Variants in SHE observed in about 807,000 individuals in gnomAD.
SHE encodes Src homology 2 domain containing E.
A neutral mutation model predicts 49.8 loss-of-function variants in SHE; 11 were observed. That is an observed-to-expected ratio of 0.22 (90% CI 0.14 to 0.37). SHE has a LOEUF of 0.37. Among genes scored for constraint, SHE ranks in the 10% least tolerant of loss-of-function variants. The pLI is 1.00. For missense variants in SHE, 624 were observed against 655.5 expected (o/e 0.95, Z 0.52); for synonymous variants, 310 against 278.1 (o/e 1.11, Z -1.14).
chr1:154,485,569 T>TA (rs1692149308), intron 5 of SHE: 1 of 158,538 alleles, frequency 6.3e-6, no homozygotes, highest in Non-Finnish European at 1.4e-5. Flanking sequence ...CTTGATTTAT[T>TA]AAAGTCCCCA....
At chr1:154,474,501 C>CTTTA (rs913995639), downstream of SHE, among the ~76,000 whole-genome samples, 20 of 152,062 alleles carry the variant, frequency 1.3e-4, no homozygotes, top group East Asian at 3.9e-4. Context: ...TCAAATTGTG[C>CTTTA]TTTATTTATT....
chr1:154,489,063 G>T lies in SHE; in HGVS notation c.1012C>A (p.Arg338=). 1.3e-6 allele frequency: 2 copies of T among 1,580,880 alleles called. No individual in the cohort carries two copies. Among genetic ancestry groups the T allele is most frequent in the Non-Finnish European group, 1.7e-6 (2 of 1,161,048 alleles). Residue 338 remains arginine, a synonymous_variant, in exon 3 of 6, where the codon CGG becomes AGG. Coordinates refer to ENST00000304760, the MANE Select transcript of SHE (RefSeq NM_001010846.3). ...PWEWKKEQIV[R]ALSVQFEGAE... ...CTGGCGCCCTCACCTGACAGAGCCC[G>T]CACGATCTGCTCCTTCTTCCACTCC...
In SHE at chr1:154,486,161, T is replaced by C. The variant is rs1457734972; in HGVS notation, c.1182-99A>G. On this transcript the variant is annotated intron_variant, in intron 4 of 5. Coordinates refer to ENST00000304760, the MANE Select transcript of SHE (RefSeq NM_001010846.3). ...TAAAGCGTTGTTTGAAATGAACTTC[T>C]GGCAGAGACGCAACAGCCTGAACTA... is the stretch of plus-strand genomic sequence containing the variant. 5 of 1,507,038 alleles carry C rather than the reference T, an allele frequency of 3.3e-6. No individual in the cohort carries two copies. In the African/African-American group the frequency reaches 5.5e-5, roughly 17 times the overall value. 93.4% of individuals were successfully genotyped at this position (1,507,038 alleles called of 1,614,324 possible).
At position 154,483,637 on chromosome 1, in the gene SHE, G is replaced by A. The variant is rs973827289; in HGVS notation, c.*512C>T. On this transcript the variant is annotated 3_prime_UTR_variant, in exon 6 of 6. Coordinates refer to ENST00000304760, the MANE Select transcript of SHE (RefSeq NM_001010846.3). ...AGCTAAATCATGATTTCTTATTGTA[G>A]AACTACTTAGCAAGGAAACAAGGGA... 1.2e-5 allele frequency: 12 copies of A among 986,096 alleles called. No homozygotes were observed. The highest frequency in any genetic ancestry group is 1.4e-5 in the Non-Finnish European group (12 of 830,490). The allele number at this position is 986,096 out of a possible 1,614,324, so 61.1% of individuals were successfully genotyped here.
intron 1 of SHE, among the ~76,000 whole-genome samples, chr1:154,471,703 C>CTT (rs1691748909): frequency 6.7e-6 from 1 of 149,646 alleles, no homozygotes; most frequent in South Asian, 2.1e-4. Context: ...CTCTCTCTCT[C>CTT]TCTGTGTGTG....
At chr1:154,487,663 G>A (rs1242389662) in intron 3 of SHE, among the ~76,000 whole-genome samples, 1 of 151,698 alleles carries the variant, frequency 6.6e-6, no homozygotes, top group East Asian at 2.0e-4. Context: ...ACCCACCTGG[G>A]CAGCACAGTG....
At chr1:154,493,523 C>A (rs1692433085) in intron 2 of SHE, among the ~76,000 whole-genome samples, 1 of 152,204 alleles carries the variant, frequency 6.6e-6, no homozygotes, top group Non-Finnish European at 1.5e-5. Flanking sequence ...AGGGGACGGG[C>A]AGCAGATAAA....
chr1:154,472,008 A>T (rs1691757286), intron 1 of SHE, among the ~76,000 whole-genome samples: 2 of 151,892 alleles, frequency 1.3e-5, no homozygotes, highest in South Asian at 4.2e-4. Flanking sequence ...CCCCATCTCT[A>T]CTCAAAATAC....
Position 154,486,416 on chromosome 1 carries a change from C to A in SHE, c.1181+111G>T. 10 of 1,433,708 alleles carry A rather than the reference C, an allele frequency of 7.0e-6. No homozygotes were observed. In the South Asian group the frequency reaches 1.4e-4, roughly 20 times the overall value. 88.8% of individuals were successfully genotyped at this position (1,433,708 alleles called of 1,614,324 possible). A position where few individuals can be genotyped will look rare whatever the true frequency, so the allele number is the denominator to read the frequency against. Reference sequence around the variant, plus strand: ...GTTTTCATTAAAAACCCCATCCAGGCAAGTGTTCATTAACAAAAATAATCA... The same window carrying A: ...GTTTTCATTAAAAACCCCATCCAGGAAAGTGTTCATTAACAAAAATAATCA... On this transcript the variant is annotated intron_variant, in intron 4 of 5. Transcript: ENST00000304760.
Position 154,499,192 on chromosome 1 carries a change from G to A in SHE, c.638C>T (p.Thr213Ile). Residue 213 changes from threonine to isoleucine, a missense_variant, in exon 2 of 6, where the codon ACA becomes ATA. By Grantham distance (89) the Thr-to-Ile change is moderately conservative (BLOSUM62 -1). Coordinates refer to ENST00000304760, the MANE Select transcript of SHE (RefSeq NM_001010846.3). ...DYADPYDAKR[T>I]KGQRDAERVG... ...TCTCTCTGCATCCCTTTGACCCTTT[G>A]TCCGTTTGGCATCATAAGGGTCAGC... The A allele has an allele frequency of 6.2e-7, 1 of 1,614,040 alleles. No homozygotes were observed. The highest frequency in any genetic ancestry group is 8.5e-7 in the Non-Finnish European group (1 of 1,180,000).
chr1:154,479,343 T>C (rs1050353358), downstream of SHE: 2 of 217,116 alleles, frequency 9.2e-6, no homozygotes, highest in Non-Finnish European at 1.6e-5. Flanking sequence ...AATCTGCTGG[T>C]TATGTTCCAT....
downstream of SHE, among the ~76,000 whole-genome samples, chr1:154,477,507 A>T (rs1397529092): frequency 6.6e-6 from 1 of 152,172 alleles, no homozygotes; most frequent in Non-Finnish European, 1.5e-5. Flanking sequence ...CACTTGGCCT[A>T]TGTTAACCAT....
intron 2 of SHE, among the ~76,000 whole-genome samples, chr1:154,496,224 CACGAGT>C (rs1692525911): frequency 6.6e-6 from 1 of 152,056 alleles, no homozygotes; most frequent in South Asian, 2.1e-4. Flanking sequence ...CTTTAAAATC[CACGAGT>C]ACAACTTTTT....
rs1289488110 is a variant in SHE, at chr1:154,502,012, C to A, written c.15G>T (p.Pro5=). 2.2e-6 allele frequency: 3 copies of A among 1,381,808 alleles called. No homozygotes were observed. Among genetic ancestry groups the A allele is most frequent in the Non-Finnish European group, 2.8e-6 (3 of 1,076,104 alleles). The allele number at this position is 1,381,808 out of a possible 1,614,324, so 85.6% of individuals were successfully genotyped here. The change falls in exon 1 of 6, where the codon CCG becomes CCT. Residue 5 remains proline, a synonymous_variant. Transcript: ENST00000304760. MQWS[P]TPGASACLGW... is the part of the protein sequence containing the mutation. ...CCAGACACGCAGAGGCGCCAGGGGT[C>A]GGGGACCACTGCATTCCCCGTGACT...
chr1:154,478,733 G>A (rs1441845569), downstream of SHE, among the ~76,000 whole-genome samples: 1 of 152,212 alleles, frequency 6.6e-6, no homozygotes, highest in Non-Finnish European at 1.5e-5. Context: ...TTGTAAACAC[G>A]TGTTCAATCT....
rs1301417427 is a variant in SHE, at chr1:154,480,455, C to T, written c.*3694G>A. The T allele has an allele frequency of 1.0e-6, 1 of 985,266 alleles. No individual in the cohort carries two copies. Among genetic ancestry groups the T allele is most frequent in the Non-Finnish European group, 1.2e-6 (1 of 829,924 alleles). The allele number at this position is 985,266 out of a possible 1,614,324, so 61.0% of individuals were successfully genotyped here. A position where few individuals can be genotyped will look rare whatever the true frequency, so the allele number is the denominator to read the frequency against. ...TCAAGATGCATCCAGTAACAACAGC[C>T]AATAACAGACTAGTAACAGAGTTAC... On this transcript the variant is annotated 3_prime_UTR_variant, in exon 6 of 6. Transcript: ENST00000304760.
At chr1:154,478,122 T>C (rs78415582), downstream of SHE, among the ~76,000 whole-genome samples, 67 of 152,268 alleles carry the variant, frequency 4.4e-4, no homozygotes, top group Non-Finnish European at 8.7e-4. Context: ...TGAGGCTGAA[T>C]GATACTCTGC....
At chr1:154,472,499 G>C (rs1691769388) in intron 1 of SHE, among the ~76,000 whole-genome samples, 2 of 152,224 alleles carry the variant, frequency 1.3e-5, no homozygotes, top group African/African-American at 4.8e-5. Flanking sequence ...GAGAGTGGCT[G>C]GACCGTGAGT....
chr1:154,498,395 CT>C (rs779336870), intron 2 of SHE, among the ~76,000 whole-genome samples: 245 of 133,502 alleles, frequency 1.8e-3, no homozygotes, highest in South Asian at 7.9e-3. Context: ...TGCGCCTGGC[CT>C]TTTTTTTTTT....
Sources: allele counts gnomAD v4.1 joint callset (sites outside exome capture counted in the v4.1 genomes callset), GRCh38; gene constraint gnomAD v4.1.1; transcripts MANE v1.5; gene names NCBI Gene and HGNC (gene_info 2026-07-23, HGNC 2026-07-21).